Variants in RNF217 observed in about 807,000 individuals in gnomAD.
RNF217 encodes E3 ubiquitin-protein ligase RNF217.
In RNF217, 31 loss-of-function variants were observed where a neutral mutation model predicts 57.8. The ratio of observed to expected loss-of-function variants is 0.54; its 90% CI spans 0.40 to 0.72. The LOEUF (loss-of-function observed/expected upper bound fraction) is 0.72, where lower values mean the gene tolerates loss of function less well. Ranked by LOEUF, RNF217 falls within the 30% of genes least tolerant of loss-of-function variation. RNF217 has a pLI of 0.00. For missense variants in RNF217, 696 were observed against 708.3 expected (o/e 0.98, Z 0.20); for synonymous variants, 313 against 294.0 (o/e 1.06, Z -0.66).
At chr6:125,015,641 A>G (rs1165397331) in intron 1 of RNF217, among the ~76,000 whole-genome samples, 2 of 151,964 alleles carry the variant, frequency 1.3e-5, no homozygotes, top group Admixed American at 6.6e-5. Flanking sequence ...ATAATTGTAT[A>G]TATATTGGTA....
intron 3 of RNF217, among the ~76,000 whole-genome samples, chr6:125,071,484 ATGTGTGTGTGTGTGTGTGTGTGTG>A (rs61496685): frequency 1.5e-5 from 2 of 136,746 alleles, no homozygotes; most frequent in African/African-American, 2.7e-5. Context: ...CTGCCTACAT[ATGTGTGTGTGTGTGTGTGTGTGTG>A]TGTGTGTGTG....
At chr6:125,060,122 A>G (rs1787675661) in intron 3 of RNF217, among the ~76,000 whole-genome samples, 1 of 152,096 alleles carries the variant, frequency 6.6e-6, no homozygotes, top group African/African-American at 2.4e-5. Flanking sequence ...CTATGAGGAG[A>G]TATTACTGAG....
chr6:124,963,492 G>T (rs1164325811), intron 1 of RNF217, 66 bp downstream of exon 1: 10 of 1,424,508 alleles, frequency 7.0e-6, no homozygotes, highest in Middle Eastern at 1.8e-4. Context: ...TCCTGCTCTC[G>T]ATCTGATCTC....
At chr6:125,024,233 A>C (rs978747106) in intron 1 of RNF217, among the ~76,000 whole-genome samples, 9 of 152,346 alleles carry the variant, frequency 5.9e-5, no homozygotes, top group African/African-American at 2.2e-4. Flanking sequence ...GAGAGGAAGC[A>C]GAAGAAAAGT....
intron 2 of RNF217, among the ~76,000 whole-genome samples, chr6:125,051,923 C>T (rs563367110): frequency 6.6e-6 from 1 of 151,962 alleles, no homozygotes; most frequent in Non-Finnish European, 1.5e-5. Context: ...AATGGGTCCT[C>T]GGACAAGAAA....
At chr6:125,050,691 T>C (rs1021536804) in intron 2 of RNF217, among the ~76,000 whole-genome samples, 2 of 151,734 alleles carry the variant, frequency 1.3e-5, no homozygotes, top group Non-Finnish European at 2.9e-5. Context: ...GAACGTGTAA[T>C]GAGTATGCTG....
intron 1 of RNF217, among the ~76,000 whole-genome samples, chr6:125,027,797 C>T (rs955154754): frequency 1.3e-5 from 2 of 152,180 alleles, no homozygotes; most frequent in African/African-American, 4.8e-5. Context: ...CCCTTTTCTC[C>T]ATATCCTCAC....
chr6:124,970,488 G>A (rs561218100), intron 1 of RNF217, among the ~76,000 whole-genome samples: 5 of 152,330 alleles, frequency 3.3e-5, no homozygotes, highest in African/African-American at 1.2e-4. Flanking sequence ...CGTTTAATAA[G>A]ATGAGGAATA....
chr6:125,076,602 C>G, intron 3 of RNF217, 55 bp from the exon 4 acceptor site: 1 of 1,393,602 alleles, frequency 7.2e-7, no homozygotes, highest in Non-Finnish European at 1.0e-6. Flanking sequence ...TGCGATTTTG[C>G]TTTTTAAAAA....
At chr6:125,050,192 G>T (rs2114555012) in intron 2 of RNF217, among the ~76,000 whole-genome samples, 1 of 152,042 alleles carries the variant, frequency 6.6e-6, no homozygotes, top group East Asian at 1.9e-4. Flanking sequence ...CTGAATAAAT[G>T]ATCCCCCTTT....
intron 3 of RNF217, among the ~76,000 whole-genome samples, chr6:125,068,807 G>A (rs1335320130): frequency 3.3e-5 from 5 of 152,148 alleles, no homozygotes; most frequent in Non-Finnish European, 5.9e-5. Flanking sequence ...GAATTGAGAT[G>A]CAAGTAAGAA....
chr6:124,985,395 T>C (rs1784334757), intron 1 of RNF217, among the ~76,000 whole-genome samples: 1 of 152,234 alleles, frequency 6.6e-6, no homozygotes, highest in Non-Finnish European at 1.5e-5. Flanking sequence ...AATCACATCA[T>C]GGAAAATGGT....
At chr6:124,972,604 A>T (rs1783804325) in intron 1 of RNF217, among the ~76,000 whole-genome samples, 1 of 151,940 alleles carries the variant, frequency 6.6e-6, no homozygotes. Flanking sequence ...GAGATATTAA[A>T]TTTTTTTCTT....
intron 2 of RNF217, among the ~76,000 whole-genome samples, chr6:125,048,471 A>G (rs1214501505): frequency 6.6e-6 from 1 of 152,034 alleles, no homozygotes; most frequent in Non-Finnish European, 1.5e-5. Flanking sequence ...TCTTTATAAT[A>G]ATGTTTACAG....
At chr6:125,055,166 C>T (rs556985801) in intron 2 of RNF217, among the ~76,000 whole-genome samples, 8 of 152,072 alleles carry the variant, frequency 5.3e-5, no homozygotes, top group Non-Finnish European at 1.5e-5. Flanking sequence ...GGCTATTAGT[C>T]CTTTTATGGT....
At position 125,087,984 on chromosome 6, in the gene RNF217, C is replaced by CCCCTAATA. The variant is rs1788820324; in HGVS notation, c.*5048_*5055dup. The CCCCTAATA allele has an allele frequency of 6.7e-6, 1 of 149,434 alleles. No individual in the cohort carries two copies. Among genetic ancestry groups the CCCCTAATA allele is most frequent in the Non-Finnish European group, 1.5e-5 (1 of 67,728 alleles). 9.3% of individuals were successfully genotyped at this position (149,434 alleles called of 1,614,324 possible). A position where few individuals can be genotyped will look rare whatever the true frequency, so the allele number is the denominator to read the frequency against. On this transcript the variant is annotated 3_prime_UTR_variant, in exon 6 of 6. Coordinates refer to ENST00000521654, the MANE Select transcript of RNF217 (RefSeq NM_001286398.3). ...GTTATAATTTAATTATGATACTGTC[C>CCCCTAATA]CCCTAATATGGAAAATAAGTTACAA... is the stretch of plus-strand genomic sequence containing the variant.
At chr6:125,034,882 G>A (rs1423846441) in intron 1 of RNF217, among the ~76,000 whole-genome samples, 1 of 152,038 alleles carries the variant, frequency 6.6e-6, no homozygotes, top group South Asian at 2.1e-4. Context: ...TTGAGCAGTG[G>A]TTTGTAGTTC....
chr6:125,006,008 T>G (rs1318315303), intron 1 of RNF217: 1 of 152,174 alleles, frequency 6.6e-6, no homozygotes, highest in East Asian at 1.9e-4. Flanking sequence ...TGTTAATTAA[T>G]TAAATAGTTT....
Position 124,963,361 on chromosome 6 carries a change from A to C in RNF217, c.817A>C (p.Lys273Gln). 1 of 1,528,568 alleles carries C rather than the reference A, an allele frequency of 6.5e-7. No individual in the cohort carries two copies. The highest frequency in any genetic ancestry group is 8.7e-7 in the Non-Finnish European group (1 of 1,143,366). The allele number at this position is 1,528,568 out of a possible 1,614,324, so 94.7% of individuals were successfully genotyped here. A position where few individuals can be genotyped will look rare whatever the true frequency, so the allele number is the denominator to read the frequency against. Residue 273 changes from lysine (K) to glutamine (Q), a missense_variant, in exon 1 of 6, where the codon AAG (lysine) becomes CAG (glutamine). By Grantham distance (53) the Lys-to-Gln change is moderately conservative (BLOSUM62 1). Around this residue, in one of 2 missense-constraint regions of RNF217, gnomAD observed 465 missense variants for 386.8 expected, o/e 1.20. Coordinates refer to ENST00000521654, the MANE Select transcript of RNF217 (RefSeq NM_001286398.3). ...GGTGTGCCTGGAAGACAAGCCCATC[A>C]AGCCCCTGCCTTGCTGCAAGAAGGC... ...CRVCLEDKPIKPLPCCKKAVC... is the reference protein window; with the variant it reads ...CRVCLEDKPIQPLPCCKKAVC...
Sources: gnomAD v4.1 joint callset for allele counts (sites outside exome capture counted in the v4.1 genomes callset) on GRCh38, gnomAD v4.1.1 for gene constraint, gnomAD v4.1.1 regional missense constraint, MANE v1.5 for transcripts, NCBI Gene and HGNC (gene_info 2026-07-23, HGNC 2026-07-21) for gene names.